Variants in ANKRD18A observed in about 807,000 individuals in gnomAD.
ANKRD18A encodes the protein ankyrin repeat domain-containing protein 18A.
Under a neutral mutation model 110.6 loss-of-function variants are expected in ANKRD18A, and 72 were observed. The ratio of observed to expected loss-of-function variants is 0.65; its 90% CI spans 0.54 to 0.79. The LOEUF (loss-of-function observed/expected upper bound fraction) is 0.79, where lower values mean the gene tolerates loss of function less well. Ranked by LOEUF, ANKRD18A falls within the 30% of genes least tolerant of loss-of-function variation. ANKRD18A has a pLI of 0.00. For synonymous variants in ANKRD18A, 305 were observed against 410.3 expected (o/e 0.74, Z 3.10); for missense variants, 934 against 1,163.3 (o/e 0.80, Z 2.87).
Position 38,571,799 on chromosome 9 carries a change from A to G in ANKRD18A, c.*246T>C. On this transcript the variant is annotated 3_prime_UTR_variant, in exon 16 of 16. Coordinates refer to ENST00000399703, the MANE Select transcript of ANKRD18A (RefSeq NM_147195.4). The stretch of plus-strand genomic sequence containing the variant: ...ATCCACTTAAAACTTAAGGAGGCTA[A>G]AAAACATCATTTAAAATAACATATA... 1 of 1,146,402 alleles carries G rather than the reference A, an allele frequency of 8.7e-7. No homozygotes were observed. The highest frequency in any genetic ancestry group is 1.1e-6 in the Non-Finnish European group (1 of 929,074). 71.0% of individuals were successfully genotyped at this position (1,146,402 alleles called of 1,614,324 possible). A position where few individuals can be genotyped will look rare whatever the true frequency, so the allele number is the denominator to read the frequency against.
intron 12 of ANKRD18A, among the ~76,000 whole-genome samples, chr9:38,580,118 T>C (rs1824091556): frequency 6.6e-6 from 1 of 152,146 alleles, no homozygotes; most frequent in Non-Finnish European, 1.5e-5. Context: ...AAAGAAAAAT[T>C]GAGGGCTGGG....
downstream of ANKRD18A, chr9:38,569,148 T>A: frequency 5.1e-6 from 5 of 985,296 alleles, no homozygotes; most frequent in Non-Finnish European, 4.8e-6. Flanking sequence ...TGGACCTGCA[T>A]CTTGGTTATC....
chr9:38,583,948 G>T (rs561811660), intron 12 of ANKRD18A, among the ~76,000 whole-genome samples: 1 of 152,334 alleles, frequency 6.6e-6, no homozygotes, highest in East Asian at 1.9e-4. Context: ...ACCTGCACAG[G>T]GGCTTGCCTG....
At chr9:38,610,837 T>A (rs1825587338) in intron 4 of ANKRD18A, among the ~76,000 whole-genome samples, 1 of 143,296 alleles carries the variant, frequency 7.0e-6, no homozygotes, top group Non-Finnish European at 1.5e-5. Context: ...AACAACAGCA[T>A]CAACAACAAC....
chr9:38,575,094 A>G (rs1373849731), intron 15 of ANKRD18A, among the ~76,000 whole-genome samples: 3 of 55,248 alleles, frequency 5.4e-5, no homozygotes, highest in African/African-American at 4.9e-4. Flanking sequence ...ACACCATCTC[A>G]AAAAAAAAAA....
chr9:38,620,038 G>T (rs1306169604), intron 1 of ANKRD18A, 42 bp downstream of exon 1: 10 of 1,545,274 alleles, frequency 6.5e-6, no homozygotes, highest in Non-Finnish European at 7.9e-6. Context: ...GGGAAGCCGG[G>T]CCTGCGGCCC....
At chr9:38,601,059 C>A (rs1825098868) in intron 8 of ANKRD18A, 72 bp downstream of exon 8, 1 of 1,365,054 alleles carries the variant, frequency 7.3e-7, no homozygotes. Flanking sequence ...CTTCATTTGG[C>A]CTATGCTATG....
chr9:38,585,577 G>C (rs1046699845), intron 12 of ANKRD18A, among the ~76,000 whole-genome samples: 8 of 152,032 alleles, frequency 5.3e-5, no homozygotes, highest in Admixed American at 2.6e-4. Context: ...AACCTCCTTA[G>C]ATGTATTTTG....
Position 38,591,490 on chromosome 9 carries a change from G to T in ANKRD18A, c.2004+2270C>A, listed in dbSNP as rs533102246. Among the ~76,000 whole-genome samples the T allele has an allele frequency of 4.6e-5, 7 of 152,370 alleles. No individual in the cohort carries two copies. In the South Asian group the frequency reaches 1.4e-3, roughly 32 times the overall value. ...TGACATGAAGCACTTAGAAGAGTAT[G>T]TGGTGCATGGTGAGCTACAGGTAAG... On this transcript the variant is annotated intron_variant, in intron 10 of 15. Coordinates refer to ENST00000399703, the MANE Select transcript of ANKRD18A (RefSeq NM_147195.4).
intron 12 of ANKRD18A, among the ~76,000 whole-genome samples, chr9:38,578,941 C>T (rs1824032864): frequency 6.6e-6 from 1 of 152,178 alleles, no homozygotes; most frequent in Non-Finnish European, 1.5e-5. Flanking sequence ...AAGCCTTTCC[C>T]TAAACTGCAA....
chr9:38,587,364 T>G (rs993793525), intron 11 of ANKRD18A, among the ~76,000 whole-genome samples: 16 of 152,158 alleles, frequency 1.1e-4, no homozygotes, highest in Non-Finnish European at 2.9e-5. Context: ...GTTCAGGGCT[T>G]CAAAGACACA....
intron 15 of ANKRD18A, among the ~76,000 whole-genome samples, chr9:38,575,149 G>C (rs764902027): frequency 1.3e-5 from 2 of 150,490 alleles, no homozygotes; most frequent in Admixed American, 6.6e-5. Context: ...AGTAGAGTAA[G>C]ACAAAGCATT....
intron 11 of ANKRD18A, among the ~76,000 whole-genome samples, chr9:38,586,692 G>A (rs1443365711): frequency 6.6e-6 from 1 of 152,036 alleles, no homozygotes; most frequent in Non-Finnish European, 1.5e-5. Context: ...AGCCTCCCAA[G>A]TAAGCTGGGA....
intron 5 of ANKRD18A, among the ~76,000 whole-genome samples, chr9:38,608,247 TG>T (rs1825444695): frequency 6.6e-6 from 1 of 152,116 alleles, no homozygotes; most frequent in Admixed American, 6.5e-5. Context: ...AAAACCTGGC[TG>T]GGACAACTAC....
downstream of ANKRD18A, chr9:38,568,707 A>G (rs1319770886): frequency 1.0e-6 from 1 of 982,792 alleles, no homozygotes; most frequent in African/African-American, 1.8e-5. Context: ...CCCTGCTCTG[A>G]GTGAGCTTGT....
chr9:38,590,654 GA>G lies in ANKRD18A; in HGVS notation c.2005-1992del, dbSNP rs1166990049. The stretch of plus-strand genomic sequence containing the variant: ...TTCCTTTTCCATAGAGATATGGCAT[GA>G]TGAACATCTTGTTCTAAAGTTCCTT... On this transcript the variant is annotated intron_variant, in intron 10 of 15. Transcript: ENST00000399703. Among the ~76,000 whole-genome samples the G allele has an allele frequency of 2.0e-5, 3 of 152,324 alleles. No homozygotes were observed. In the East Asian group the frequency reaches 5.8e-4, roughly 29 times the overall value.
In ANKRD18A at chr9:38,602,728, T is replaced by C. The variant is rs528220230; in HGVS notation, c.862+431A>G. 3.3e-5 allele frequency among the ~76,000 whole-genome samples: 5 copies of C among 152,352 alleles called. No individual in the cohort carries two copies. The South Asian group carries it at 1.0e-3, about 32-fold the overall frequency. ...CTCTGCCACCCAGGCTACAGTATAA[T>C]GTTGCTATCACAGCTAACTGCAGGC... On this transcript the variant is annotated intron_variant, in intron 7 of 15. Coordinates refer to ENST00000399703, the MANE Select transcript of ANKRD18A (RefSeq NM_147195.4).
chr9:38,615,600 T>C lies in ANKRD18A; in HGVS notation c.489A>G (p.Leu163=). ...LLSHHANIEA[L]NKEGNTPLLF... is the part of the protein sequence containing the mutation. The stretch of plus-strand genomic sequence containing the variant: ...AAAGTTGATTGATCTGTACCTTGTT[T>C]AGTGCTTCAATATTTGCATGGTGGG... Residue 163 remains leucine, a synonymous_variant, in exon 3 of 16, where the codon CTA becomes CTG. Transcript: ENST00000399703. 2 of 1,602,636 alleles carry C rather than the reference T, an allele frequency of 1.2e-6. No individual in the cohort carries two copies. The highest frequency in any genetic ancestry group is 1.1e-5 in the South Asian group (1 of 89,606).
intron 1 of ANKRD18A, among the ~76,000 whole-genome samples, chr9:38,619,274 G>C (rs1304917274): frequency 2.0e-5 from 3 of 152,068 alleles, no homozygotes; most frequent in African/African-American, 7.2e-5. Context: ...GCGACATAAA[G>C]TTTCATTAGT....
Sources: allele counts gnomAD v4.1 joint callset (sites outside exome capture counted in the v4.1 genomes callset), GRCh38; gene constraint gnomAD v4.1.1; transcripts MANE v1.5; gene names NCBI Gene and HGNC (gene_info 2026-07-23, HGNC 2026-07-21).